SLC6A20: variants seen among roughly 807,000 people sequenced by gnomAD.
The protein encoded by SLC6A20 is sodium- and chloride-dependent transporter XTRP3.
Under a neutral mutation model 64.3 loss-of-function variants are expected in SLC6A20, and 73 were observed. That is an observed-to-expected ratio of 1.14 (90% confidence interval 0.94 to 1.38). The LOEUF (loss-of-function observed/expected upper bound fraction) is 1.38. Among genes scored for constraint, SLC6A20 ranks in the 40% most tolerant of loss-of-function variants. The pLI is 0.00. For missense variants in SLC6A20, 725 were observed against 772.8 expected (o/e 0.94, Z 0.73); for synonymous variants, 347 against 329.6 (o/e 1.05, Z -0.57).
At chr3:45,779,947 G>A (rs906584823) in intron 3 of SLC6A20, 62 bp downstream of exon 3, 25 of 1,519,878 alleles carry the variant, frequency 1.6e-5, no homozygotes, top group Non-Finnish European at 2.1e-5. Flanking sequence ...CGAGCGGGTG[G>A]CCCTGTTTTT....
rs757205860 is a variant in SLC6A20, at chr3:45,760,025, AT to A, written c.1464-4del. 33 of 1,605,270 alleles carry A rather than the reference AT, an allele frequency of 2.1e-5. No homozygotes were observed. The highest frequency in any genetic ancestry group is 8.6e-5 in the Admixed American group (5 of 57,928). On this transcript the variant is annotated splice_polypyrimidine_tract_variant and splice_region_variant and intron_variant, in intron 9 of 10. Transcript: ENST00000358525. ...TGGCCTTAAGGTCACTTTCAAATCT[AT>A]TTGGAAAACAGGGAGAGAAAGTCTG...
chr3:45,781,092 G>A (rs1405309694), intron 2 of SLC6A20, among the ~76,000 whole-genome samples: 1 of 152,124 alleles, frequency 6.6e-6, no homozygotes, highest in Non-Finnish European at 1.5e-5. Context: ...GTGGTGGCGG[G>A]TGCCTGTAAT....
intron 4 of SLC6A20, 64 bp from the exon 5 acceptor site, chr3:45,772,679 C>G (rs1451427736): frequency 1.6e-6 from 2 of 1,286,650 alleles, no homozygotes; most frequent in East Asian, 4.9e-5. Context: ...CAGACCCATG[C>G]CCCATGGAAC....
chr3:45,772,291 G>C (rs1192098146), intron 5 of SLC6A20: 1 of 513,710 alleles, frequency 1.9e-6, no homozygotes, highest in Non-Finnish European at 3.4e-6. Context: ...AAGACTTAAT[G>C]CTCCAGAATT....
chr3:45,782,646 TCCATCCATCCATCCAA>T (rs1218155186), intron 1 of SLC6A20, among the ~76,000 whole-genome samples: 8 of 150,968 alleles, frequency 5.3e-5, no homozygotes, highest in Non-Finnish European at 1.2e-4. Flanking sequence ...CATCCATCCA[TCCATCCATCCATCCAA>T]CCATCCATCC....
intron 3 of SLC6A20, among the ~76,000 whole-genome samples, chr3:45,777,715 G>A (rs1699994723): frequency 6.6e-6 from 1 of 152,276 alleles, no homozygotes; most frequent in South Asian, 2.1e-4. Flanking sequence ...GGTGACAGGG[G>A]TCCTGGTAGA....
At position 45,765,656 on chromosome 3, in the gene SLC6A20, T is replaced by G. The variant is rs748251772; in HGVS notation, c.1184A>C (p.Tyr395Ser). The change falls in exon 8 of 11, where the codon TAC (tyrosine) becomes TCC (serine). Residue 395 changes from tyrosine (Y) to serine (S), a missense_variant. Transcript: ENST00000358525. This position sits in a 1 kb window ranked among gnomAD's most constrained non-coding sequence, Gnocchi z 4.2. Reference sequence around the variant, plus strand: ...GCCCAGCATCAGCAGCATGAAGAAGTAGAGCACCGACCACAGCTGGGACAC... The same window carrying G: ...GCCCAGCATCAGCAGCATGAAGAAGGAGAGCACCGACCACAGCTGGGACAC... ...MEVSQLWSVLYFFMLLMLGIG... is the reference protein window; with the variant it reads ...MEVSQLWSVLSFFMLLMLGIG... The G allele has an allele frequency of 6.2e-7, 1 of 1,614,138 alleles. No individual in the cohort carries two copies.
chr3:45,772,536 G>A lies in SLC6A20; in HGVS notation c.662C>T (p.Thr221Ile), dbSNP rs1389683315. 4 of 1,613,956 alleles carry A rather than the reference G, an allele frequency of 2.5e-6. No homozygotes were observed. The highest frequency in any genetic ancestry group is 1.7e-5 in the Admixed American group (1 of 59,978). Residue 221 changes from threonine (T) to isoleucine (I), a missense_variant, in exon 5 of 11, where the codon ACC becomes ATC. Thr to Ile is a moderately conservative substitution (Grantham distance 89, BLOSUM62 -1). Coordinates refer to ENST00000358525, the MANE Select transcript of SLC6A20 (RefSeq NM_020208.4). ...AGTGAACATGTACATGAGGCCATTG[G>A]TGGCTCCGTGGAGCGTGAGGCCCCT... is the stretch of plus-strand genomic sequence containing the variant. ...LIRGLTLHGA[T>I]NGLMYMFTPK...
chr3:45,789,815 C>T (rs1700220236), intron 1 of SLC6A20, among the ~76,000 whole-genome samples: 1 of 152,104 alleles, frequency 6.6e-6, no homozygotes, highest in African/African-American at 2.4e-5. Flanking sequence ...TGATCTTGAA[C>T]TCCTGAGCTC....
intron 7 of SLC6A20, among the ~76,000 whole-genome samples, chr3:45,767,533 TAA>T: frequency 6.6e-6 from 1 of 151,272 alleles, no homozygotes; most frequent in East Asian, 1.9e-4. Flanking sequence ...ATGGGAAAAA[TAA>T]AAGAGAGGTT....
intron 1 of SLC6A20, among the ~76,000 whole-genome samples, chr3:45,793,517 A>G (rs1179540900): frequency 2.0e-5 from 3 of 151,670 alleles, no homozygotes; most frequent in African/African-American, 7.3e-5. Context: ...GCAGGCAGCC[A>G]GGGCTGTACA....
At chr3:45,782,661 A>ATCC (rs1553664123) in intron 1 of SLC6A20, among the ~76,000 whole-genome samples, 2 of 149,978 alleles carry the variant, frequency 1.3e-5, no homozygotes, top group Non-Finnish European at 3.0e-5. Flanking sequence ...CCATCCATCC[A>ATCC]ACCATCCATC....
chr3:45,791,079 A>G (rs1442174718), intron 1 of SLC6A20, among the ~76,000 whole-genome samples: 1 of 152,068 alleles, frequency 6.6e-6, no homozygotes, highest in Non-Finnish European at 1.5e-5. Context: ...GTCCTTCTTG[A>G]GTTATTTCAG....
At chr3:45,767,652 C>T (rs1462689369) in intron 7 of SLC6A20, among the ~76,000 whole-genome samples, 6 of 152,106 alleles carry the variant, frequency 3.9e-5, no homozygotes, top group Admixed American at 2.6e-4. Flanking sequence ...TATGAATTTT[C>T]CAAAACTGAT....
rs768957852 is a variant in SLC6A20, at chr3:45,759,145, G to A, written c.1630-18C>T. 13 of 1,600,664 alleles carry A rather than the reference G, an allele frequency of 8.1e-6. No individual in the cohort carries two copies. Among genetic ancestry groups the A allele is most frequent in the Admixed American group, 1.7e-5 (1 of 59,130 alleles). On this transcript the variant is annotated intron_variant, in intron 10 of 10. Transcript: ENST00000358525. ...AGCTGGCCCTGAAAGGAGAGACTGA[G>A]TGTCAGCAGAGAGCACCTGCTGAGC...
chr3:45,758,611 T>C lies in SLC6A20; in HGVS notation c.*367A>G, dbSNP rs1699591923. On this transcript the variant is annotated 3_prime_UTR_variant, in exon 11 of 11. Coordinates refer to ENST00000358525, the MANE Select transcript of SLC6A20 (RefSeq NM_020208.4). ...ATATTTGTCCTCTAATATTTTGGTG[T>C]CTCTTCAGCCAAAAACAAAAATTGC... is the stretch of plus-strand genomic sequence containing the variant. 6.3e-6 allele frequency: 7 copies of C among 1,110,564 alleles called. No homozygotes were observed. The highest frequency in any genetic ancestry group is 7.7e-6 in the Non-Finnish European group (7 of 904,282). The allele number at this position is 1,110,564 out of a possible 1,614,324, so 68.8% of individuals were successfully genotyped here.
intron 1 of SLC6A20, 50 bp downstream of exon 1, chr3:45,796,248 GC>G: frequency 6.4e-7 from 1 of 1,559,750 alleles, no homozygotes; most frequent in Non-Finnish European, 8.7e-7. Flanking sequence ...CGCACACACG[GC>G]GGGGACGCGC....
chr3:45,785,613 T>TCTCTCTCTCTCTCTC (rs1700157049), intron 1 of SLC6A20, among the ~76,000 whole-genome samples: 5 of 141,016 alleles, frequency 3.5e-5, no homozygotes, highest in Non-Finnish European at 7.6e-5. Context: ...AAACTCCCCT[T>TCTCTCTCTCTCTCTC]TCTCTCTCTC....
At chr3:45,782,764 C>T (rs1470567002) in intron 1 of SLC6A20, among the ~76,000 whole-genome samples, 1 of 152,164 alleles carries the variant, frequency 6.6e-6, no homozygotes, top group African/African-American at 2.4e-5. Context: ...CCTGTCTGTT[C>T]GTCCATCCAT....
Sources: allele counts gnomAD v4.1 joint callset (sites outside exome capture counted in the v4.1 genomes callset), GRCh38; gene constraint gnomAD v4.1.1; non-coding constraint Gnocchi (gnomAD v3.1); transcripts MANE v1.5; gene names NCBI Gene and HGNC (gene_info 2026-07-23, HGNC 2026-07-21).